KDM2B: variants seen among roughly 807,000 people sequenced by gnomAD.
KDM2B encodes the protein lysine demethylase 2B.
In KDM2B, 26 loss-of-function variants were observed where a neutral mutation model predicts 150.0. The observed-to-expected ratio is 0.17, with a 90% CI of 0.13 to 0.24. KDM2B has a LOEUF of 0.24. Ranked by LOEUF, KDM2B falls within the 10% of genes least tolerant of loss-of-function variation. The probability of loss-of-function intolerance (pLI) is 1.00; values close to 1 mark genes in which losing one functional copy is unlikely to be tolerated. For synonymous variants in KDM2B, 734 were observed against 729.5 expected, an observed-to-expected ratio of 1.01 and a Z score of -0.10; for missense variants, 1,265 against 1,816.9, an observed-to-expected ratio of 0.70 and a Z score of 5.52.
chr12:121,431,865 TTTTTTTC>T (rs1490938823), intron 22 of KDM2B, among the ~76,000 whole-genome samples: 2 of 142,510 alleles, frequency 1.4e-5, no homozygotes, highest in Non-Finnish European at 3.0e-5. Flanking sequence ...TTTTCATGGG[TTTTTTTC>T]TTTTTTCTTT....
rs565372930 is a variant in KDM2B, at chr12:121,540,433, G to A, written c.684-5843C>T. Among the ~76,000 whole-genome samples the A allele has an allele frequency of 1.2e-4, 19 of 152,242 alleles. No homozygotes were observed. The South Asian group carries it at 3.5e-3, about 28-fold the overall frequency. ...GTAGACATAAAAGCCCCATACGGAT[G>A]TGAAGGAGGGTTGACTGAAAAGTAG... On this transcript the variant is annotated intron_variant, in intron 6 of 22. Coordinates refer to ENST00000377071, the MANE Select transcript of KDM2B (RefSeq NM_032590.5).
At chr12:121,475,737 AT>A (rs1261799961) in intron 12 of KDM2B, among the ~76,000 whole-genome samples, 2 of 148,556 alleles carry the variant, frequency 1.3e-5, no homozygotes, top group African/African-American at 5.1e-5. Flanking sequence ...ATAAAAAAAA[AT>A]TTTTTTTAGA....
chr12:121,470,192 T>C (rs1283634269), intron 12 of KDM2B: 3 of 152,132 alleles, frequency 2.0e-5, no homozygotes, highest in African/African-American at 4.8e-5. Flanking sequence ...AAGAATTATC[T>C]TGAGGTTGAT....
chr12:121,494,850 A>G (rs576610727), intron 11 of KDM2B, among the ~76,000 whole-genome samples, 185 bp from the exon 12 acceptor site: 61 of 152,268 alleles, frequency 4.0e-4, no homozygotes, highest in Non-Finnish European at 6.9e-4. Context: ...CCCACGAAAC[A>G]CACAACGTTC....
intron 9 of KDM2B, chr12:121,516,224 C>T: frequency 3.8e-6 from 1 of 265,556 alleles, no homozygotes; most frequent in Non-Finnish European, 7.4e-6. Context: ...CTTTTTGACA[C>T]CTTCCGAGCC....
intron 4 of KDM2B, among the ~76,000 whole-genome samples, chr12:121,551,615 C>T (rs1391417980): frequency 1.3e-5 from 2 of 152,178 alleles, no homozygotes; most frequent in South Asian, 2.1e-4. Context: ...TATAGTGGCA[C>T]AATCTCAGCT....
intron 4 of KDM2B, among the ~76,000 whole-genome samples, chr12:121,572,929 T>G (rs1352625726): frequency 6.7e-6 from 1 of 150,298 alleles, no homozygotes; most frequent in Non-Finnish European, 1.5e-5. Flanking sequence ...AGGTTCAAGC[T>G]ATTCTCCTGC....
intron 12 of KDM2B, among the ~76,000 whole-genome samples, chr12:121,484,699 TC>T (rs1882562784): frequency 6.6e-6 from 1 of 151,984 alleles, no homozygotes; most frequent in Non-Finnish European, 1.5e-5. Flanking sequence ...ACACCTGTGG[TC>T]CCAGCTACTT....
At chr12:121,457,507 C>G (rs777829008) in intron 12 of KDM2B, among the ~76,000 whole-genome samples, 1 of 151,922 alleles carries the variant, frequency 6.6e-6, no homozygotes, top group Non-Finnish European at 1.5e-5. Flanking sequence ...AGTGATTTGC[C>G]CGCCTCAGCC....
At chr12:121,477,681 G>A (rs1254401458) in intron 12 of KDM2B, among the ~76,000 whole-genome samples, 5 of 150,602 alleles carry the variant, frequency 3.3e-5, no homozygotes, top group Non-Finnish European at 5.9e-5. Context: ...GGGTTCAAGC[G>A]ATTCTTGTGC....
chr12:121,546,742 G>C (rs2141950183), intron 6 of KDM2B, among the ~76,000 whole-genome samples: 1 of 147,022 alleles, frequency 6.8e-6, no homozygotes, highest in Non-Finnish European at 1.5e-5. Flanking sequence ...CTCTCATTCT[G>C]TCACCCAGGC....
intron 1 of KDM2B, chr12:121,580,261 GGA>G: frequency 2.5e-6 from 3 of 1,223,058 alleles, no homozygotes; most frequent in Non-Finnish European, 3.1e-6. Context: ...GTGGGGGGGG[GGA>G]GGCGTCGACG....
At chr12:121,484,650 T>A (rs1401933583) in intron 12 of KDM2B, among the ~76,000 whole-genome samples, 1 of 151,642 alleles carries the variant, frequency 6.6e-6, no homozygotes, top group Non-Finnish European at 1.5e-5. Flanking sequence ...AGACCCCATC[T>A]CTACAAAAAA....
At chr12:121,560,854 A>C (rs1469713509) in intron 4 of KDM2B, among the ~76,000 whole-genome samples, 1 of 152,178 alleles carries the variant, frequency 6.6e-6, no homozygotes, top group Non-Finnish European at 1.5e-5. Context: ...CAAGAATGGA[A>C]TGCAGCCCTC....
chr12:121,447,017 G>A (rs541608349), intron 13 of KDM2B, among the ~76,000 whole-genome samples: 1 of 152,240 alleles, frequency 6.6e-6, no homozygotes, highest in Non-Finnish European at 1.5e-5. Flanking sequence ...AGTGTGAACA[G>A]CTCATTGATA....
intron 8 of KDM2B, among the ~76,000 whole-genome samples, chr12:121,528,174 C>T (rs542242258): frequency 2.6e-5 from 4 of 152,308 alleles, no homozygotes; most frequent in Admixed American, 6.5e-5. Context: ...CCAGGTCATT[C>T]TACTCCTCAG....
chr12:121,521,400 C>T lies in KDM2B; in HGVS notation c.932-300G>A, dbSNP rs1886678094. ...TGATGACAAAAGCTTCCTCTGGGGA[C>T]CTGGCTGCAATGGCCAGCAGAGAGG... On this transcript the variant is annotated intron_variant, in intron 8 of 22. Transcript: ENST00000377071. This position sits in a 1 kb window ranked among gnomAD's most constrained non-coding sequence, Gnocchi z 4.9. Among the ~76,000 whole-genome samples, 1 of 152,174 alleles carries T rather than the reference C, an allele frequency of 6.6e-6. No individual in the cohort carries two copies. Among genetic ancestry groups the T allele is most frequent in the African/African-American group, 2.4e-5 (1 of 41,442 alleles).
chr12:121,454,578 G>C (rs1555292387), intron 12 of KDM2B, among the ~76,000 whole-genome samples: 1 of 152,172 alleles, frequency 6.6e-6, no homozygotes, highest in East Asian at 1.9e-4. Context: ...TAGTGGGAGG[G>C]ACCAGGATGG....
chr12:121,427,610 G>A (rs532197664), downstream of KDM2B, among the ~76,000 whole-genome samples: 16 of 152,320 alleles, frequency 1.1e-4, no homozygotes, highest in Middle Eastern at 3.4e-3. Context: ...TTACTGGATT[G>A]TTCAGTACTC....
Sources: gnomAD v4.1 joint callset for allele counts (sites outside exome capture counted in the v4.1 genomes callset) on GRCh38, gnomAD v4.1.1 for gene constraint, Gnocchi (gnomAD v3.1) non-coding constraint, MANE v1.5 for transcripts, NCBI Gene and HGNC (gene_info 2026-07-23, HGNC 2026-07-21) for gene names.